The following FBXO16 variants were observed in gnomAD, a reference collection of about 807,000 sequenced individuals.
FBXO16 encodes F-box only protein 16.
Under a neutral mutation model 41.0 loss-of-function variants are expected in FBXO16, and 31 were observed. The observed-to-expected ratio is 0.76, with a 90% CI of 0.57 to 1.02. FBXO16 has a LOEUF of 1.02. FBXO16 is among the 50% of genes least tolerant of loss of function. FBXO16 has a pLI of 0.00. For missense variants in FBXO16, 361 were observed against 346.2 expected (o/e 1.04, Z -0.34); for synonymous variants, 133 against 117.8 (o/e 1.13, Z -0.84).
chr8:28,432,459 G>A (rs530600168), intron 7 of FBXO16, among the ~76,000 whole-genome samples: 2 of 152,034 alleles, frequency 1.3e-5, no homozygotes, highest in East Asian at 3.9e-4. Context: ...GGGCAATGGA[G>A]TGAGACTCCA....
rs547605452 is a variant in FBXO16, at chr8:28,487,710, T to C, written c.-17+2476A>G. ...GCGCCCAGCTACAGAGATTTTCATA[T>C]AACACATACAAAACATAATTGTCCC... On this transcript the variant is annotated intron_variant, in intron 1 of 8. Transcript: ENST00000380254. Among the ~76,000 whole-genome samples, 36 of 151,982 alleles carry C rather than the reference T, an allele frequency of 2.4e-4. No individual in the cohort carries two copies. In the South Asian group the frequency reaches 2.5e-3, roughly 11 times the overall value.
intron 3 of FBXO16, among the ~76,000 whole-genome samples, chr8:28,464,843 A>G (rs964463088): frequency 1.3e-5 from 2 of 152,066 alleles, no homozygotes; most frequent in African/African-American, 4.8e-5. Flanking sequence ...TAGTAGAGAC[A>G]GGGTTTCACC....
chr8:28,446,961 T>C (rs1191988334), intron 7 of FBXO16: 2 of 441,242 alleles, frequency 4.5e-6, no homozygotes, highest in Admixed American at 7.8e-5. Flanking sequence ...TTTCTTTTTT[T>C]AACAGATGAG....
At chr8:28,476,740 A>G (rs1007912650) in intron 2 of FBXO16, among the ~76,000 whole-genome samples, 3 of 152,204 alleles carry the variant, frequency 2.0e-5, no homozygotes, top group Non-Finnish European at 2.9e-5. Flanking sequence ...AGGGGCCCCT[A>G]AATAATGATT....
At chr8:28,459,863 G>C (rs1215162481) in intron 4 of FBXO16, among the ~76,000 whole-genome samples, 1 of 151,058 alleles carries the variant, frequency 6.6e-6, no homozygotes, top group Admixed American at 6.6e-5. Context: ...CCTGTCTCTA[G>C]TAAAAGTACA....
At chr8:28,435,520 G>A (rs755750364) in intron 7 of FBXO16, among the ~76,000 whole-genome samples, 3 of 152,098 alleles carry the variant, frequency 2.0e-5, no homozygotes, top group Non-Finnish European at 2.9e-5. Context: ...TCAGCAAAGA[G>A]GGGATGCAGA....
chr8:28,484,457 C>T (rs6558063), intron 1 of FBXO16, among the ~76,000 whole-genome samples: 110,977 of 152,194 alleles, frequency 0.73, 41,463 homozygotes, highest in African/African-American at 0.9. Context: ...GGAATTAATT[C>T]TCCCTCATTG....
In FBXO16 at chr8:28,474,316, C is replaced by CAAAAAAAAA; in HGVS notation, c.100-518_100-510dup. Among the ~76,000 whole-genome samples, 44 of 56,662 alleles carry CAAAAAAAAA rather than the reference C, an allele frequency of 7.8e-4. 2 individuals carry two copies. The highest frequency in any genetic ancestry group is 1.2e-3 in the East Asian group (3 of 2,438). The allele number at this position is 56,662 out of a possible 152,430, so 37.2% of individuals were successfully genotyped here. A position where few individuals can be genotyped will look rare whatever the true frequency, so the allele number is the denominator to read the frequency against. On this transcript the variant is annotated intron_variant, in intron 2 of 8. Coordinates refer to ENST00000380254, the MANE Select transcript of FBXO16 (RefSeq NM_172366.4). ...CCTGGGTAACAGAGCCAGACCCTGT[C>CAAAAAAAAA]AAAAAAAAAAAAAAAAAAAAAAAAA...
intron 7 of FBXO16, among the ~76,000 whole-genome samples, chr8:28,444,933 T>C (rs1194475698): frequency 1.3e-5 from 2 of 151,738 alleles, no homozygotes; most frequent in South Asian, 2.1e-4. Context: ...GCCCGGCCTA[T>C]TTCTTCATTT....
At chr8:28,484,871 G>A (rs982087282) in intron 1 of FBXO16, among the ~76,000 whole-genome samples, 2 of 151,964 alleles carry the variant, frequency 1.3e-5, no homozygotes, top group Non-Finnish European at 1.5e-5. Context: ...TGGGATTACA[G>A]GCGTGAGCCA....
At chr8:28,434,248 A>C (rs1802653979) in intron 7 of FBXO16, among the ~76,000 whole-genome samples, 1 of 152,158 alleles carries the variant, frequency 6.6e-6, no homozygotes, top group African/African-American at 2.4e-5. Flanking sequence ...GGTGTGAACC[A>C]CTGCACCTGG....
chr8:28,434,767 G>A (rs996799000), intron 7 of FBXO16, among the ~76,000 whole-genome samples: 20 of 152,330 alleles, frequency 1.3e-4, no homozygotes, highest in Admixed American at 7.8e-4. Flanking sequence ...CCCCTTGCGG[G>A]AGGGAGCATG....
chr8:28,429,491 A>G, intron 7 of FBXO16, 88 bp from the exon 8 acceptor site: 6 of 1,506,176 alleles, frequency 4.0e-6, no homozygotes, highest in Non-Finnish European at 4.6e-6. Context: ...AGAGTGAGGC[A>G]CTCTTCAAAG....
intron 6 of FBXO16, chr8:28,447,609 G>C (rs899763822): frequency 5.5e-5 from 13 of 238,014 alleles, no homozygotes; most frequent in African/African-American, 2.0e-4. Context: ...AAGGTATTAA[G>C]ATCTCTGCCT....
intron 6 of FBXO16, 90 bp from the exon 7 acceptor site, chr8:28,447,363 T>C (rs1802881689): frequency 9.0e-7 from 1 of 1,109,078 alleles, no homozygotes; most frequent in African/African-American, 1.6e-5. Context: ...GAGTTTGTTG[T>C]TCCTGTGATT....
intron 4 of FBXO16, among the ~76,000 whole-genome samples, chr8:28,460,246 T>TATA (rs58128827): frequency 5.3e-3 from 353 of 66,530 alleles, no homozygotes; most frequent in Middle Eastern, 0.024. Context: ...TATATATATA[T>TATA]TTTTTTTTTT....
chr8:28,457,847 C>G (rs1585905385), intron 4 of FBXO16, among the ~76,000 whole-genome samples: 1 of 152,298 alleles, frequency 6.6e-6, no homozygotes, highest in Admixed American at 6.5e-5. Flanking sequence ...GCATAAAGCA[C>G]TTATTATGTA....
intron 1 of FBXO16, among the ~76,000 whole-genome samples, chr8:28,485,304 C>T (rs1463622794): frequency 6.6e-6 from 1 of 152,146 alleles, no homozygotes; most frequent in Non-Finnish European, 1.5e-5. Context: ...TCCCGAGTAG[C>T]TAGGACTACA....
At chr8:28,463,423 T>G (rs2130156739) in intron 4 of FBXO16, among the ~76,000 whole-genome samples, 189 bp downstream of exon 4, 1 of 151,682 alleles carries the variant, frequency 6.6e-6, no homozygotes, top group Middle Eastern at 3.4e-3. Flanking sequence ...TGTATATGTA[T>G]GTGTGTATAT....
Sources: gnomAD v4.1 joint callset for allele counts (sites outside exome capture counted in the v4.1 genomes callset) on GRCh38, gnomAD v4.1.1 for gene constraint, MANE v1.5 for transcripts, NCBI Gene and HGNC (gene_info 2026-07-23, HGNC 2026-07-21) for gene names.